DST: variants seen among roughly 807,000 people sequenced by gnomAD.
DST encodes bullous pemphigoid antigen.
A neutral mutation model predicts 875.2 loss-of-function variants in DST; 253 were observed. The observed-to-expected ratio is 0.29, with a 90% CI of 0.26 to 0.32. The LOEUF is 0.32. DST is among the 10% of genes least tolerant of loss of function. The pLI is 1.00. For synonymous variants in DST, 3,124 were observed against 3,197.1 expected (o/e 0.98, Z 0.77); for missense variants, 8,287 against 9,111.6 (o/e 0.91, Z 3.68).
In DST at chr6:56,753,886, T is replaced by A. The variant is rs60804698; in HGVS notation, c.626-18597A>T. Among the ~76,000 whole-genome samples the A allele has an allele frequency of 7.8e-3, 1,189 of 152,324 alleles. 17 individuals are homozygous for A. The highest frequency in any genetic ancestry group is 0.027 in the African/African-American group (1,126 of 41,564). On this transcript the variant is annotated intron_variant, in intron 4 of 103. Transcript: ENST00000680361. ...TCATTAACTAGACACTTGTTCATAG[T>A]TATGTCTACCCTTAAAACACAACTG...
At chr6:56,705,195 G>A (rs1473320423) in intron 5 of DST, among the ~76,000 whole-genome samples, 2 of 152,200 alleles carry the variant, frequency 1.3e-5, no homozygotes, top group Admixed American at 1.3e-4. Context: ...TATTAAGATG[G>A]CTGTTCCACA....
intron 4 of DST, among the ~76,000 whole-genome samples, chr6:56,812,114 G>GGAAAGAAAAA (rs2099760982): frequency 1.0e-5 from 1 of 97,640 alleles, no homozygotes; most frequent in African/African-American, 4.2e-5. Flanking sequence ...AAAAAAAAAA[G>GGAAAGAAAAA]AAAAGAAAAG....
At chr6:56,867,976 G>A (rs1013462088) in intron 3 of DST, among the ~76,000 whole-genome samples, 3 of 152,084 alleles carry the variant, frequency 2.0e-5, no homozygotes, top group African/African-American at 4.8e-5. Context: ...GTGATTACCC[G>A]TGTTCTAGAA....
intron 49 of DST, among the ~76,000 whole-genome samples, chr6:56,584,436 T>C (rs1057118469): frequency 6.6e-6 from 1 of 151,822 alleles, no homozygotes; most frequent in Non-Finnish European, 1.5e-5. Context: ...TTTTTGTACA[T>C]TGATTTTGTA....
At chr6:56,734,801 T>G (rs1372013173) in intron 5 of DST, among the ~76,000 whole-genome samples, 1 of 152,162 alleles carries the variant, frequency 6.6e-6, no homozygotes, top group Non-Finnish European at 1.5e-5. Flanking sequence ...TCTAGACTTC[T>G]GTCCCTACAA....
intron 3 of DST, 173 bp from the exon 4 acceptor site, chr6:56,851,777 C>A: frequency 6.4e-7 from 1 of 1,551,638 alleles, no homozygotes; most frequent in Non-Finnish European, 8.7e-7. Flanking sequence ...AAAATAAAAC[C>A]CGGAGCTCAC....
intron 5 of DST, among the ~76,000 whole-genome samples, chr6:56,715,490 C>T (rs963924407): frequency 6.6e-6 from 1 of 152,172 alleles, no homozygotes; most frequent in Non-Finnish European, 1.5e-5. Flanking sequence ...AACTTTCTAA[C>T]CTTCTCTTGT....
At chr6:56,539,511 G>A (rs2097084518) in intron 61 of DST, among the ~76,000 whole-genome samples, 1 of 152,142 alleles carries the variant, frequency 6.6e-6, no homozygotes, top group Non-Finnish European at 1.5e-5. Flanking sequence ...TATGAAGAGA[G>A]CCTTTCCCCC....
rs150142299 is a variant in DST at position 56,901,160 on chromosome 6, G to A, written c.217-539C>T. Among the ~76,000 whole-genome samples, 410 of 152,308 alleles carry A rather than the reference G, an allele frequency of 2.7e-3. 3 individuals are homozygous for A. Among genetic ancestry groups the A allele is most frequent in the Middle Eastern group, 0.014 (4 of 294 alleles). ...TGGCACAAAGGGTATGGGTTTGGGC[G>A]TCAGATGGGCCCGGGTCCAAATGCT... is the stretch of plus-strand genomic sequence containing the variant. On this transcript the variant is annotated intron_variant, in intron 2 of 103. Coordinates refer to ENST00000680361, the MANE Select transcript of DST (RefSeq NM_001374736.1).
At chr6:56,935,066 A>G (rs1812304126) in intron 2 of DST, among the ~76,000 whole-genome samples, 1 of 152,182 alleles carries the variant, frequency 6.6e-6, no homozygotes, top group African/African-American at 2.4e-5. Context: ...AGCTTTAATT[A>G]AAAGGCCCGT....
chr6:56,614,270 T>C, intron 37 of DST, 86 bp downstream of exon 37: 1 of 1,260,306 alleles, frequency 7.9e-7, no homozygotes, highest in Non-Finnish European at 1.1e-6. Context: ...AAGGTAAAAA[T>C]TAAACATTGT....
intron 10 of DST, among the ~76,000 whole-genome samples, chr6:56,657,368 C>G (rs1250973185): frequency 6.6e-6 from 1 of 151,928 alleles, no homozygotes; most frequent in Non-Finnish European, 1.5e-5. Context: ...TTATGTTTGC[C>G]CAACTCTGGA....
At chr6:56,628,426 A>G (rs1046956391) in intron 32 of DST, among the ~76,000 whole-genome samples, 1 of 152,202 alleles carries the variant, frequency 6.6e-6, no homozygotes, top group African/African-American at 2.4e-5. Flanking sequence ...GCTAAACTTA[A>G]AAAGCAAGAA....
chr6:56,608,556 G>T lies in DST; in HGVS notation c.6072C>A (p.Ile2024=). ...CACCAGTTTGAACCTGATATGTGAG[G>T]ATACTGCTAGCAGTGTCCCTGTCAA... is the stretch of plus-strand genomic sequence containing the variant. ...GVIDRDTASS[I]LTYQVQTGGI... The change falls in exon 40 of 104, where the codon ATC becomes ATA. Residue 2024 remains isoleucine (I), a synonymous_variant. Transcript: ENST00000680361. The T allele has an allele frequency of 6.2e-7, 1 of 1,613,458 alleles. No homozygotes were observed.
chr6:56,629,102 G>A, intron 32 of DST, 148 bp downstream of exon 32: 2 of 752,818 alleles, frequency 2.7e-6, no homozygotes, highest in Admixed American at 2.9e-5. Context: ...AGTCCTCCAA[G>A]TAAGAAAGAA....
chr6:56,881,390 T>C (rs1782141000), intron 3 of DST, among the ~76,000 whole-genome samples: 1 of 152,022 alleles, frequency 6.6e-6, no homozygotes, highest in Admixed American at 6.5e-5. Context: ...AGAGAATCAC[T>C]TGAACCCGGG....
At chr6:56,476,451 T>C in intron 91 of DST, 114 bp from the exon 92 acceptor site, 3 of 919,422 alleles carry the variant, frequency 3.3e-6, no homozygotes, top group Non-Finnish European at 3.1e-6. Flanking sequence ...GCTAGACCCA[T>C]AATGCTTCTG....
At chr6:56,471,794 T>C (rs1053741528) in intron 94 of DST, 2 of 496,280 alleles carry the variant, frequency 4.0e-6, no homozygotes, top group African/African-American at 3.9e-5. Context: ...TTAGATTTTA[T>C]TCTTAAGGAA....
At chr6:56,504,139 T>C (rs746657650) in intron 77 of DST, 41 bp from the exon 78 acceptor site, 3 of 1,339,218 alleles carry the variant, frequency 2.2e-6, no homozygotes, top group Non-Finnish European at 3.2e-6. Flanking sequence ...CAACAGTACA[T>C]TTGAAATTGC....
Sources: allele counts gnomAD v4.1 joint callset (sites outside exome capture counted in the v4.1 genomes callset), GRCh38; gene constraint gnomAD v4.1.1; transcripts MANE v1.5; gene names NCBI Gene and HGNC (gene_info 2026-07-23, HGNC 2026-07-21).